Variants in PDE1C observed in about 807,000 individuals in gnomAD.
PDE1C encodes the protein phosphodiesterase 1C, also known as dual specificity calcium/calmodulin-dependent 3',5'-cyclic nucleotide phosphodiesterase 1C.
Under a neutral mutation model 93.1 loss-of-function variants are expected in PDE1C, and 62 were observed. The ratio of observed to expected loss-of-function variants is 0.67; its 90% CI spans 0.54 to 0.82. The LOEUF (loss-of-function observed/expected upper bound fraction) is 0.82, where lower values mean the gene tolerates loss of function less well. PDE1C is among the 40% of genes least tolerant of loss of function. The pLI is 0.00. For missense variants in PDE1C, 742 were observed against 884.6 expected (o/e 0.84, Z 2.04); for synonymous variants, 325 against 310.1 (o/e 1.05, Z -0.50).
At chr7:32,307,592 G>A (rs1241344986) in intron 1 of PDE1C, among the ~76,000 whole-genome samples, 2 of 147,454 alleles carry the variant, frequency 1.4e-5, no homozygotes, top group African/African-American at 5.0e-5. Context: ...CTTACTAGAT[G>A]GAGACATGGT....
chr7:31,645,136 T>G, the PDE1C span, among the ~76,000 whole-genome samples: 1 of 152,198 alleles, frequency 6.6e-6, no homozygotes, highest in African/African-American at 2.4e-5. Flanking sequence ...AAATTCAGAT[T>G]CAATTTGGGT....
intron 1 of PDE1C, among the ~76,000 whole-genome samples, chr7:32,368,646 T>TA (rs1263973752): frequency 6.6e-6 from 1 of 152,124 alleles, no homozygotes; most frequent in African/African-American, 2.4e-5. Context: ...GAAATTTTTT[T>TA]AAAATCAATC....
intron 1 of PDE1C, among the ~76,000 whole-genome samples, chr7:32,239,140 T>A (rs898073736): frequency 2.6e-5 from 4 of 152,148 alleles, no homozygotes; most frequent in African/African-American, 9.7e-5. Context: ...GGTGGAAGGA[T>A]CGCTTGTGCT....
chr7:32,169,785 C>T, exon 3 of PDE1C: 2 of 1,612,244 alleles, frequency 1.2e-6, no homozygotes, highest in Non-Finnish European at 1.7e-6. Context: ...TCCACCAAAC[C>T]TGAAGGATGT....
At chr7:31,852,965 G>A (rs1793529856) in intron 7 of PDE1C, among the ~76,000 whole-genome samples, 1 of 136,414 alleles carries the variant, frequency 7.3e-6, no homozygotes, top group East Asian at 1.9e-4. Flanking sequence ...CTTATTCTAA[G>A]GTCACGTAAA....
chr7:31,644,085 T>A, the PDE1C span: 2 of 755,758 alleles, frequency 2.6e-6, no homozygotes, highest in Non-Finnish European at 4.2e-6. Context: ...ATGAATAACA[T>A]TTGTAGAGTG....
intron 2 of PDE1C, among the ~76,000 whole-genome samples, chr7:32,022,740 C>T (rs1367872461): frequency 6.6e-6 from 1 of 151,632 alleles, no homozygotes; most frequent in African/African-American, 2.4e-5. Context: ...GCAAATTACA[C>T]CTCTATCTCT....
chr7:32,308,778 G>A (rs1813089419), intron 1 of PDE1C, among the ~76,000 whole-genome samples: 1 of 151,978 alleles, frequency 6.6e-6, no homozygotes, highest in African/African-American at 2.4e-5. Flanking sequence ...CCAAAAGTAG[G>A]TAAAACCACA....
At chr7:31,927,770 A>T (rs762624020) in intron 2 of PDE1C, among the ~76,000 whole-genome samples, 7 of 152,150 alleles carry the variant, frequency 4.6e-5, no homozygotes, top group Non-Finnish European at 1.0e-4. Flanking sequence ...CCCACAGAAA[A>T]ACCCCATCCA....
At chr7:32,189,587 A>C (rs903636335) in intron 2 of PDE1C, among the ~76,000 whole-genome samples, 3 of 152,158 alleles carry the variant, frequency 2.0e-5, no homozygotes, top group Non-Finnish European at 4.4e-5. Flanking sequence ...CTCATTATAA[A>C]AATTTGGTGG....
chr7:31,646,943 A>G, the PDE1C span, among the ~76,000 whole-genome samples: 2 of 152,256 alleles, frequency 1.3e-5, no homozygotes, highest in African/African-American at 2.4e-5. Flanking sequence ...GATGCTATAT[A>G]AGGTTTTACC....
intron 1 of PDE1C, among the ~76,000 whole-genome samples, chr7:32,410,426 AGAG>A (rs988025243): frequency 2.6e-5 from 4 of 151,412 alleles, no homozygotes; most frequent in Admixed American, 1.3e-4. Context: ...AAGAAGAGGA[AGAG>A]GAGGAGGAGG....
At chr7:31,876,099 G>C (rs967885558) in intron 5 of PDE1C, among the ~76,000 whole-genome samples, 1 of 151,782 alleles carries the variant, frequency 6.6e-6, no homozygotes, top group African/African-American at 2.4e-5. Flanking sequence ...AGTACATAAA[G>C]AAAGAAACAA....
chr7:32,174,706 A>C (rs1802871861), intron 2 of PDE1C, among the ~76,000 whole-genome samples: 1 of 152,148 alleles, frequency 6.6e-6, no homozygotes, highest in African/African-American at 2.4e-5. Context: ...AAGCAATAAA[A>C]AGAAAAAAAA....
intron 6 of PDE1C, among the ~76,000 whole-genome samples, chr7:31,868,000 A>C (rs1357558790): frequency 6.6e-6 from 1 of 152,240 alleles, no homozygotes; most frequent in African/African-American, 2.4e-5. Context: ...AATTAAAGCC[A>C]AAGTTCTCTA....
At chr7:31,875,732 A>G (rs1207016075) in intron 5 of PDE1C, among the ~76,000 whole-genome samples, 1 of 143,938 alleles carries the variant, frequency 6.9e-6, no homozygotes, top group African/African-American at 2.6e-5. Context: ...ACACAGCTAC[A>G]TTTCCATTAG....
intron 16 of PDE1C, among the ~76,000 whole-genome samples, chr7:31,802,513 GCTTTTCATTCTTT>G (rs1786196561): frequency 6.6e-6 from 1 of 151,592 alleles, no homozygotes; most frequent in Non-Finnish European, 1.5e-5. Context: ...CATTTTTAAT[GCTTTTCATTCTTT>G]TGTACAGATC....
At chr7:31,965,836 G>A (rs967705647) in intron 2 of PDE1C, among the ~76,000 whole-genome samples, 1 of 152,148 alleles carries the variant, frequency 6.6e-6, no homozygotes, top group Non-Finnish European at 1.5e-5. Context: ...TTCCAACCCA[G>A]AATTTCATAT....
At chr7:31,862,766 T>C (rs1170702832) in intron 7 of PDE1C, among the ~76,000 whole-genome samples, 2 of 152,202 alleles carry the variant, frequency 1.3e-5, no homozygotes, top group Non-Finnish European at 2.9e-5. Flanking sequence ...TAGTATCCCA[T>C]AATAAAGGAC....
Sources: gnomAD v4.1 joint callset for allele counts (sites outside exome capture counted in the v4.1 genomes callset) on GRCh38, gnomAD v4.1.1 for gene constraint, MANE v1.5 for transcripts, NCBI Gene and HGNC (gene_info 2026-07-23, HGNC 2026-07-21) for gene names.